THSD7A: variants seen among roughly 807,000 people sequenced by gnomAD.
THSD7A encodes thrombospondin type-1 domain-containing protein 7A.
A neutral mutation model predicts 231.3 loss-of-function variants in THSD7A; 96 were observed. The observed-to-expected ratio is 0.41, with a 90% CI of 0.35 to 0.49. The LOEUF (loss-of-function observed/expected upper bound fraction) is 0.49. Ranked by LOEUF, THSD7A falls within the 20% of genes least tolerant of loss-of-function variation. THSD7A has a pLI of 0.05. For synonymous variants in THSD7A, 940 were observed against 743.3 expected, an observed-to-expected ratio of 1.26 and a Z score of -4.30; for missense variants, 2,290 against 2,070.2, an observed-to-expected ratio of 1.11 and a Z score of -2.06.
chr7:11,621,166 A>G (rs1781296284), intron 2 of THSD7A, among the ~76,000 whole-genome samples: 1 of 152,234 alleles, frequency 6.6e-6, no homozygotes, highest in African/African-American at 2.4e-5. Flanking sequence ...TCTAAAATTA[A>G]GATGACACAG....
intron 23 of THSD7A, chr7:11,385,639 A>G (rs1196331563): frequency 6.6e-6 from 1 of 152,008 alleles, no homozygotes; most frequent in Non-Finnish European, 1.5e-5. Context: ...GTATTTCAAC[A>G]ATTATAGTCA....
intron 1 of THSD7A, among the ~76,000 whole-genome samples, chr7:11,816,056 C>A (rs1423269755): frequency 2.6e-5 from 4 of 152,138 alleles, no homozygotes; most frequent in Non-Finnish European, 5.9e-5. Context: ...TTCCCTGTCT[C>A]ATTTTGCAAG....
At chr7:11,557,846 C>T (rs1306558420) in intron 4 of THSD7A, among the ~76,000 whole-genome samples, 2 of 152,132 alleles carry the variant, frequency 1.3e-5, no homozygotes, top group Admixed American at 6.6e-5. Context: ...TTGGCCTTCT[C>T]TAACACCACC....
intron 13 of THSD7A, among the ~76,000 whole-genome samples, chr7:11,441,165 C>A (rs1489440008): frequency 6.6e-6 from 1 of 151,974 alleles, no homozygotes; most frequent in East Asian, 1.9e-4. Context: ...TAGGATACAT[C>A]AGTGAATAAA....
chr7:11,571,300 C>T (rs139360822), intron 4 of THSD7A, among the ~76,000 whole-genome samples: 1 of 152,288 alleles, frequency 6.6e-6, no homozygotes, highest in Non-Finnish European at 1.5e-5. Context: ...CGATGTTATT[C>T]TGAGGAACAT....
chr7:11,723,444 G>T (rs1425043688), intron 1 of THSD7A, among the ~76,000 whole-genome samples: 1 of 151,642 alleles, frequency 6.6e-6, no homozygotes, highest in Non-Finnish European at 1.5e-5. Context: ...CCTGCACACT[G>T]TGCACATGTA....
intron 1 of THSD7A, among the ~76,000 whole-genome samples, chr7:11,652,288 G>C (rs1361238438): frequency 1.3e-5 from 2 of 151,890 alleles, no homozygotes; most frequent in Non-Finnish European, 2.9e-5. Context: ...TCTGGCACGG[G>C]AGCAGGACTG....
At chr7:11,450,186 A>G (rs1785098738) in intron 11 of THSD7A, among the ~76,000 whole-genome samples, 1 of 152,008 alleles carries the variant, frequency 6.6e-6, no homozygotes, top group African/African-American at 2.4e-5. Flanking sequence ...AGAAAAACAA[A>G]ATAAAATAAC....
intron 2 of THSD7A, among the ~76,000 whole-genome samples, chr7:11,610,338 A>G (rs886541744): frequency 4.6e-5 from 7 of 152,136 alleles, no homozygotes; most frequent in Non-Finnish European, 1.0e-4. Context: ...TTTTGCCTCA[A>G]TACTGGGCAA....
At chr7:11,726,292 T>A (rs1245889135) in intron 1 of THSD7A, among the ~76,000 whole-genome samples, 1 of 151,992 alleles carries the variant, frequency 6.6e-6, no homozygotes, top group Non-Finnish European at 1.5e-5. Flanking sequence ...TTTCTATTAA[T>A]AATTTGACAA....
intron 1 of THSD7A, among the ~76,000 whole-genome samples, chr7:11,780,892 G>A (rs1783602209): frequency 6.7e-6 from 1 of 149,922 alleles, no homozygotes; most frequent in Non-Finnish European, 1.5e-5. Flanking sequence ...TCGGGAGGCT[G>A]AGGCAGGAGA....
intron 1 of THSD7A, among the ~76,000 whole-genome samples, chr7:11,769,153 A>ATATATTTTTTTTTTTTTTTTTTT: frequency 7.2e-5 from 2 of 27,648 alleles, no homozygotes; most frequent in Non-Finnish European, 7.0e-5. Context: ...ATATATATAT[A>ATATATTTTTTTTTTTTTTTTTTT]TTTTTTTTTT....
intron 24 of THSD7A, among the ~76,000 whole-genome samples, chr7:11,381,432 AGG>A: frequency 6.6e-6 from 1 of 152,336 alleles, no homozygotes; most frequent in South Asian, 2.1e-4. Context: ...CAATAAATCC[AGG>A]TAATTTAAAA....
chr7:11,613,817 T>C lies in THSD7A; in HGVS notation c.1023-20315A>G, dbSNP rs80225922. ...GGGTAGTAGTTTGATCTCCCCTGAA[T>C]TAACAATTATTTTGCTTATGGATTT... On this transcript the variant is annotated intron_variant, in intron 2 of 27. Coordinates refer to ENST00000423059, the MANE Select transcript of THSD7A (RefSeq NM_015204.3). 3.1e-3 allele frequency among the ~76,000 whole-genome samples: 468 copies of C among 152,314 alleles called. 14 individuals carry two copies. In the East Asian group the frequency reaches 0.07, roughly 23 times the overall value.
chr7:11,479,180 G>A (rs1342580674), intron 7 of THSD7A, among the ~76,000 whole-genome samples: 1 of 152,116 alleles, frequency 6.6e-6, no homozygotes, highest in African/African-American at 2.4e-5. Context: ...TGTTCTTTAA[G>A]CTCCTGAATG....
At chr7:11,538,498 T>G (rs185805537) in intron 6 of THSD7A, among the ~76,000 whole-genome samples, 1 of 152,252 alleles carries the variant, frequency 6.6e-6, no homozygotes, top group Admixed American at 6.5e-5. Context: ...TACACTTGCT[T>G]TGCCAGATTT....
At chr7:11,629,014 A>C (rs1048047623) in intron 2 of THSD7A, among the ~76,000 whole-genome samples, 2 of 152,198 alleles carry the variant, frequency 1.3e-5, no homozygotes, top group African/African-American at 4.8e-5. Flanking sequence ...AAAGGATTTT[A>C]CTAGAATCTG....
intron 1 of THSD7A, among the ~76,000 whole-genome samples, chr7:11,689,422 T>C (rs1780163252): frequency 6.6e-6 from 1 of 151,858 alleles, no homozygotes; most frequent in Non-Finnish European, 1.5e-5. Flanking sequence ...ACCACTTCTG[T>C]GACCTTGGCC....
chr7:11,398,627 A>C (rs1978137), intron 23 of THSD7A, among the ~76,000 whole-genome samples: 1 of 151,996 alleles, frequency 6.6e-6, no homozygotes, highest in East Asian at 1.9e-4. Context: ...TAGGAGTTGA[A>C]GTATTGCTCC....
Sources: gnomAD v4.1 joint callset for allele counts (sites outside exome capture counted in the v4.1 genomes callset) on GRCh38, gnomAD v4.1.1 for gene constraint, MANE v1.5 for transcripts, NCBI Gene and HGNC (gene_info 2026-07-23, HGNC 2026-07-21) for gene names.